The following CCBE1 variants were observed in gnomAD, a reference collection of about 807,000 sequenced individuals.
CCBE1 encodes the protein collagen and calcium binding EGF domains 1.
A neutral mutation model predicts 50.0 loss-of-function variants in CCBE1; 37 were observed. The ratio of observed to expected loss-of-function variants is 0.74; its 90% CI spans 0.57 to 0.97. The LOEUF (loss-of-function observed/expected upper bound fraction) is 0.97. CCBE1 is among the 50% of genes least tolerant of loss of function. The pLI, the probability that CCBE1 is intolerant of heterozygous loss-of-function variation, is 0.00. For missense variants in CCBE1, 538 were observed against 523.8 expected, an observed-to-expected ratio of 1.03 and a Z score of -0.26; for synonymous variants, 234 against 203.7, an observed-to-expected ratio of 1.15 and a Z score of -1.27.
chr18:59,649,048 G>A (rs2054093013), intron 2 of CCBE1, among the ~76,000 whole-genome samples: 1 of 152,210 alleles, frequency 6.6e-6, no homozygotes, highest in Admixed American at 6.5e-5. Flanking sequence ...AGTGTCTGAG[G>A]AGAGGACGAT....
At chr18:59,481,845 T>C (rs1912585563) in intron 2 of CCBE1, among the ~76,000 whole-genome samples, 2 of 152,204 alleles carry the variant, frequency 1.3e-5, no homozygotes, top group East Asian at 1.9e-4. Flanking sequence ...GAGGGAAATG[T>C]ACATTTTTAG....
At chr18:59,596,537 A>G (rs1050390711) in intron 2 of CCBE1, among the ~76,000 whole-genome samples, 1 of 152,172 alleles carries the variant, frequency 6.6e-6, no homozygotes, top group African/African-American at 2.4e-5. Context: ...TATACGGCGG[A>G]GGAAAAAAGC....
In CCBE1 at chr18:59,692,029, T is replaced by C. The variant is rs78429865; in HGVS notation, c.212+4600A>G. On this transcript the variant is annotated intron_variant, in intron 2 of 10. Coordinates refer to ENST00000439986, the MANE Select transcript of CCBE1 (RefSeq NM_133459.4). Reference sequence around the variant, plus strand: ...TCAGGGAGGTAGCAGGAAACAAAGATACTCTAATTTCCCCAGGGCACTAGG... The same window carrying C: ...TCAGGGAGGTAGCAGGAAACAAAGACACTCTAATTTCCCCAGGGCACTAGG... Among the ~76,000 whole-genome samples the C allele has an allele frequency of 7.1e-4, 108 of 152,328 alleles. 2 individuals carry two copies. The East Asian group carries it at 0.013, about 18-fold the overall frequency.
At position 59,497,344 on chromosome 18, in the gene CCBE1, C is replaced by CACTGAGCACAGATCAT. The variant is rs1432843026; in HGVS notation, c.213-17122_213-17107dup. ...ATAAGGTAAGAAGAACTCATGGTATCACTGAGCACAGATCATACTGAGTAA... is the reference window on the plus strand; with the variant it reads ...ATAAGGTAAGAAGAACTCATGGTATCACTGAGCACAGATCATACTGAGCACAGATCATACTGAGTAA... On this transcript the variant is annotated intron_variant, in intron 2 of 10. Coordinates refer to ENST00000439986, the MANE Select transcript of CCBE1 (RefSeq NM_133459.4). Among the ~76,000 whole-genome samples the CACTGAGCACAGATCAT allele has an allele frequency of 2.0e-5, 3 of 152,296 alleles. No homozygotes were observed. The East Asian group carries it at 5.8e-4, about 29-fold the overall frequency.
At chr18:59,652,542 G>C (rs2054139548) in intron 2 of CCBE1, among the ~76,000 whole-genome samples, 2 of 151,972 alleles carry the variant, frequency 1.3e-5, no homozygotes, top group Admixed American at 6.6e-5. Context: ...AGAAAGCTTA[G>C]GTCTATAAAA....
intron 2 of CCBE1, among the ~76,000 whole-genome samples, chr18:59,657,063 T>G (rs2054200843): frequency 6.6e-6 from 1 of 152,248 alleles, no homozygotes; most frequent in African/African-American, 2.4e-5. Context: ...AGCCTAAGAT[T>G]CTGCCTTGAG....
chr18:59,612,330 G>GAAAAAAAAAAAAAAAAAAAAAAAGA (rs5825351), intron 2 of CCBE1, among the ~76,000 whole-genome samples: 1 of 130,696 alleles, frequency 7.7e-6, no homozygotes, highest in South Asian at 2.5e-4. Context: ...AGAAAAAAAA[G>GAAAAAAAAAAAAAAAAAAAAAAAGA]AAAAAAAAAA....
chr18:59,454,921 G>A lies in CCBE1; in HGVS notation c.584C>T (p.Ala195Val). The part of the protein sequence containing the change: ...GHEKSENMVK[A>V]GTCCATCKEF... ...CTTGCATGTGGCACAGCAAGTTCCG[G>A]CTTTCACCATGTTCTCAGACTTCTC... The change falls in exon 6 of 11, where the codon GCC becomes GTC. Residue 195 changes from alanine (A) to valine (V), a missense_variant. Coordinates refer to ENST00000439986, the MANE Select transcript of CCBE1 (RefSeq NM_133459.4). 1 of 1,614,140 alleles carries A rather than the reference G, an allele frequency of 6.2e-7. No individual in the cohort carries two copies. The highest frequency in any genetic ancestry group is 8.5e-7 in the Non-Finnish European group (1 of 1,180,032).
At chr18:59,490,987 G>T (rs1162299827) in intron 2 of CCBE1, among the ~76,000 whole-genome samples, 1 of 152,192 alleles carries the variant, frequency 6.6e-6, no homozygotes, top group Non-Finnish European at 1.5e-5. Flanking sequence ...GACAGCGCAT[G>T]AAAGACTATT....
At chr18:59,471,526 C>T (rs753317065) in intron 3 of CCBE1, among the ~76,000 whole-genome samples, 5 of 152,166 alleles carry the variant, frequency 3.3e-5, no homozygotes, top group Non-Finnish European at 5.9e-5. Flanking sequence ...TGGAAGTATG[C>T]TTGAATTACT....
intron 5 of CCBE1, among the ~76,000 whole-genome samples, chr18:59,465,247 G>A (rs1037424669): frequency 6.6e-6 from 1 of 152,220 alleles, no homozygotes; most frequent in East Asian, 1.9e-4. Context: ...GACCAGAGCT[G>A]CTTCACACAT....
intron 2 of CCBE1, among the ~76,000 whole-genome samples, chr18:59,670,510 G>A (rs899190920): frequency 3.3e-5 from 5 of 152,144 alleles, no homozygotes; most frequent in African/African-American, 9.7e-5. Flanking sequence ...TCATGCATGC[G>A]TGTGCCCAGT....
chr18:59,592,893 T>C (rs1360280947), intron 2 of CCBE1, among the ~76,000 whole-genome samples: 1 of 151,644 alleles, frequency 6.6e-6, no homozygotes, highest in Non-Finnish European at 1.5e-5. Context: ...AACAGACAAA[T>C]TGTAAGGGGG....
rs144233185 is a variant in CCBE1, at chr18:59,520,668, A to C, written c.213-40430T>G. Among the ~76,000 whole-genome samples the C allele has an allele frequency of 7.6e-3, 1,160 of 152,344 alleles. 13 individuals are homozygous for C. The highest frequency in any genetic ancestry group is 0.026 in the African/African-American group (1,089 of 41,584). Reference sequence around the variant, plus strand: ...AAACCTACAGAAGGCAACAAAGTTGACTCTAAGATTCAGAATATCTGAAGT... The same window carrying C: ...AAACCTACAGAAGGCAACAAAGTTGCCTCTAAGATTCAGAATATCTGAAGT... On this transcript the variant is annotated intron_variant, in intron 2 of 10. Coordinates refer to ENST00000439986, the MANE Select transcript of CCBE1 (RefSeq NM_133459.4).
intron 3 of CCBE1, among the ~76,000 whole-genome samples, chr18:59,474,793 T>A (rs1912228953): frequency 6.6e-6 from 1 of 152,230 alleles, no homozygotes; most frequent in African/African-American, 2.4e-5. Context: ...CCCCTTTTTC[T>A]AGTTTATTTG....
At chr18:59,654,100 C>G (rs1359046810) in intron 2 of CCBE1, among the ~76,000 whole-genome samples, 2 of 152,194 alleles carry the variant, frequency 1.3e-5, no homozygotes, top group African/African-American at 2.4e-5. Context: ...GTGAAACATT[C>G]TGTTCTGTTT....
intron 2 of CCBE1, among the ~76,000 whole-genome samples, chr18:59,548,349 A>T (rs939386472): frequency 5.3e-5 from 8 of 152,238 alleles, no homozygotes; most frequent in Non-Finnish European, 8.8e-5. Flanking sequence ...CATTATTTAA[A>T]GATAGTGAGT....
At chr18:59,693,627 T>G (rs2054766454) in intron 2 of CCBE1, among the ~76,000 whole-genome samples, 1 of 152,220 alleles carries the variant, frequency 6.6e-6, no homozygotes, top group Non-Finnish European at 1.5e-5. Flanking sequence ...CATTGCTTAT[T>G]GCTCACAGTT....
rs541226825 is a variant in CCBE1, at chr18:59,684,175, G to A, written c.212+12454C>T. On this transcript the variant is annotated intron_variant, in intron 2 of 10. Transcript: ENST00000439986. ...CAGGAGTCCACTCAGATCCTCTCAT[G>A]CCTTATCATTAAATCTCCTTTCCTA... Among the ~76,000 whole-genome samples, 3 of 152,292 alleles carry A rather than the reference G, an allele frequency of 2.0e-5. No individual in the cohort carries two copies. The South Asian group carries it at 6.2e-4, about 32-fold the overall frequency.
Sources: allele counts gnomAD v4.1 joint callset (sites outside exome capture counted in the v4.1 genomes callset), GRCh38; gene constraint gnomAD v4.1.1; transcripts MANE v1.5; gene names NCBI Gene and HGNC (gene_info 2026-07-23, HGNC 2026-07-21).